The following SLCO1A2 variants were observed in gnomAD, a reference collection of about 807,000 sequenced individuals.
SLCO1A2 encodes solute carrier organic anion transporter family member 1A2.
SLCO1A2 carries 67 observed loss-of-function variants against 69.0 expected under a neutral mutation model. That is an observed-to-expected ratio of 0.97 (90% CI 0.80 to 1.19). The LOEUF is 1.19. Ranked by LOEUF, SLCO1A2 falls within the 50% of genes most tolerant of loss-of-function variation. The probability of loss-of-function intolerance (pLI) is 0.00; values close to 1 mark genes in which losing one functional copy is unlikely to be tolerated. For missense variants in SLCO1A2, 787 were observed against 793.7 expected, an observed-to-expected ratio of 0.99 and a Z score of 0.10; for synonymous variants, 260 against 265.9, an observed-to-expected ratio of 0.98 and a Z score of 0.22.
intron 2 of SLCO1A2, among the ~76,000 whole-genome samples, chr12:21,342,141 T>A (rs1269691244): frequency 6.6e-6 from 1 of 152,088 alleles, no homozygotes; most frequent in Non-Finnish European, 1.5e-5. Context: ...TAAAGAGCAC[T>A]GGTCTCAAAA....
At chr12:21,336,138 C>G (rs1441862197), upstream of SLCO1A2, among the ~76,000 whole-genome samples, 2 of 151,994 alleles carry the variant, frequency 1.3e-5, no homozygotes, top group Non-Finnish European at 2.9e-5. Flanking sequence ...CAATCTCTCT[C>G]CCCTTTTCTC....
In SLCO1A2 at chr12:21,318,659, T is replaced by C; in HGVS notation, c.202+123A>G. The C allele has an allele frequency of 2.7e-6, 2 of 745,618 alleles. 1 individual carries two copies. The highest frequency in any genetic ancestry group is 4.7e-5 in the South Asian group (2 of 42,248). 46.2% of individuals were successfully genotyped at this position (745,618 alleles called of 1,614,324 possible). A position where few individuals can be genotyped will look rare whatever the true frequency, so the allele number is the denominator to read the frequency against. On this transcript the variant is annotated intron_variant, in intron 3 of 14. Transcript: ENST00000683939. ...CTAAGCTTAGCTAATCAGTTAGTTT[T>C]AGAAAACTTATAACTCGGTCAGATT...
intron 14 of SLCO1A2, 66 bp from the exon 15 acceptor site, chr12:21,269,833 A>G: frequency 1.6e-6 from 2 of 1,221,360 alleles, no homozygotes; most frequent in Non-Finnish European, 2.2e-6. Flanking sequence ...CTAAATTTGT[A>G]TATCTTTGTA....
exon 1 of SLCO1A2, chr12:21,395,217 C>A: frequency 6.5e-6 from 1 of 153,322 alleles, no homozygotes; most frequent in Non-Finnish European, 1.5e-5. Flanking sequence ...TTGGGAAGCT[C>A]AAGGGGTCAG....
At chr12:21,290,048 T>G (rs1238265504) in intron 12 of SLCO1A2, among the ~76,000 whole-genome samples, 1 of 150,124 alleles carries the variant, frequency 6.7e-6, no homozygotes, top group Non-Finnish European at 1.5e-5. Context: ...TATGTATCTG[T>G]GTGGCTGTAT....
intron 2 of SLCO1A2, chr12:21,319,284 A>G (rs1209286130): frequency 7.9e-7 from 1 of 1,267,064 alleles, no homozygotes; most frequent in Non-Finnish European, 1.1e-6. Flanking sequence ...CTGTAATGAA[A>G]AGAAAGAATG....
chr12:21,385,332 TC>T (rs1354544811), intron 1 of SLCO1A2, among the ~76,000 whole-genome samples: 1 of 152,232 alleles, frequency 6.6e-6, no homozygotes, highest in Non-Finnish European at 1.5e-5. Flanking sequence ...GAGCAGAAAC[TC>T]TGTCCAGAAT....
At chr12:21,327,539 C>A (rs563025212) in intron 2 of SLCO1A2, among the ~76,000 whole-genome samples, 1 of 152,182 alleles carries the variant, frequency 6.6e-6, no homozygotes, top group Non-Finnish European at 1.5e-5. Context: ...AGGGGTGGAT[C>A]TTCCCAAGTC....
In SLCO1A2 at chr12:21,400,627, C is replaced by G. The variant is rs1443171721; in HGVS notation, c.-312+17255G>C. On this transcript the variant is annotated intron_variant, in intron 1 of 4. Coordinates refer to the SLCO1A2 transcript ENST00000413682. ...CAATAGCAAAGACTTGGAACCAACC[C>G]AAATGTCCAACAATGATAGACTGGA... Among the ~76,000 whole-genome samples, 513 of 151,008 alleles carry G rather than the reference C, an allele frequency of 3.4e-3. 3 individuals carry two copies. Among genetic ancestry groups the G allele is most frequent in the African/African-American group, 0.012 (496 of 41,074 alleles).
chr12:21,332,355 C>T (rs1952669732), intron 2 of SLCO1A2, among the ~76,000 whole-genome samples: 1 of 152,036 alleles, frequency 6.6e-6, no homozygotes, highest in Non-Finnish European at 1.5e-5. Context: ...TTCCTGTTTA[C>T]AATCAGGGCT....
At position 21,300,346 on chromosome 12, in the gene SLCO1A2, GCCTTTAGTGATT is replaced by G. The variant is rs750687714; in HGVS notation, c.900_910+1del. 3.2e-6 allele frequency: 5 copies of G among 1,581,662 alleles called. No homozygotes were observed. The highest frequency in any genetic ancestry group is 4.3e-6 in the Non-Finnish European group (5 of 1,152,410). On this transcript the variant is annotated splice_donor_variant and coding_sequence_variant, in exon 8 of 15. Transcript: ENST00000683939. LOFTEE classifies it high-confidence loss of function. ...CATAGTATTTAGAATATGTATATTT[GCCTTTAGTGATT>G]CCATATTTTTCCTTCTTGACCTCTT...
intron 2 of SLCO1A2, among the ~76,000 whole-genome samples, chr12:21,324,293 TTCTC>T (rs990966874): frequency 6.6e-6 from 1 of 152,198 alleles, no homozygotes; most frequent in Non-Finnish European, 1.5e-5. Flanking sequence ...GAAACAATTT[TTCTC>T]TCTCTCTAGC....
intron 2 of SLCO1A2, 68 bp from the exon 3 acceptor site, chr12:21,318,991 A>C: frequency 8.2e-7 from 1 of 1,216,912 alleles, no homozygotes; most frequent in Non-Finnish European, 1.1e-6. Flanking sequence ...GTCTGTTGAC[A>C]AAATGCCTTC....
At chr12:21,270,619 T>C (rs1182045667) in intron 14 of SLCO1A2, among the ~76,000 whole-genome samples, 1 of 151,736 alleles carries the variant, frequency 6.6e-6, no homozygotes, top group Non-Finnish European at 1.5e-5. Context: ...TATCTGAACT[T>C]GGTACCTTGG....
At chr12:21,345,565 A>G (rs986300816) in intron 2 of SLCO1A2, among the ~76,000 whole-genome samples, 2 of 152,172 alleles carry the variant, frequency 1.3e-5, no homozygotes, top group Non-Finnish European at 2.9e-5. Context: ...GTTGAAAATT[A>G]TAATTGATTT....
At chr12:21,274,425 A>G (rs1292954722) in intron 14 of SLCO1A2, 44 bp downstream of exon 14, 1 of 1,275,814 alleles carries the variant, frequency 7.8e-7, no homozygotes, top group Admixed American at 1.7e-5. Flanking sequence ...CGTTATGCAC[A>G]GTCTATGCTT....
chr12:21,298,052 T>TG (rs1431960754), intron 8 of SLCO1A2, among the ~76,000 whole-genome samples: 1 of 152,184 alleles, frequency 6.6e-6, no homozygotes, highest in African/African-American at 2.4e-5. Flanking sequence ...TAAAGATGTG[T>TG]GGGAATTAAT....
chr12:21,281,200 C>T (rs1372248703), intron 12 of SLCO1A2, among the ~76,000 whole-genome samples: 1 of 151,914 alleles, frequency 6.6e-6, no homozygotes, highest in Non-Finnish European at 1.5e-5. Flanking sequence ...ACCTGTAATC[C>T]CAGCACTTTG....
intron 2 of SLCO1A2, among the ~76,000 whole-genome samples, chr12:21,371,551 G>A (rs1483034528): frequency 6.6e-6 from 1 of 152,100 alleles, no homozygotes; most frequent in Non-Finnish European, 1.5e-5. Flanking sequence ...CTTTTAAGAA[G>A]TATATGAAAT....
Sources: gnomAD v4.1 joint callset for allele counts (sites outside exome capture counted in the v4.1 genomes callset) on GRCh38, gnomAD v4.1.1 for gene constraint, MANE v1.5 for transcripts, NCBI Gene and HGNC (gene_info 2026-07-23, HGNC 2026-07-21) for gene names.